Variants in AGPAT3 observed in about 807,000 individuals in gnomAD.
AGPAT3 encodes 1-acylglycerol-3-phosphate O-acyltransferase 3.
Under a neutral mutation model 47.3 loss-of-function variants are expected in AGPAT3, and 5 were observed. The observed-to-expected ratio is 0.11, with a 90% confidence interval of 0.06 to 0.22. The LOEUF (loss-of-function observed/expected upper bound fraction) is 0.22, where lower values mean the gene tolerates loss of function less well. AGPAT3 is among the 10% of genes least tolerant of loss of function. The probability of loss-of-function intolerance (pLI) is 1.00; values close to 1 mark genes in which losing one functional copy is unlikely to be tolerated. For synonymous variants in AGPAT3, 212 were observed against 208.3 expected (o/e 1.02, Z -0.15); for missense variants, 315 against 493.0 (o/e 0.64, Z 3.42).
rs116643078 is a variant in AGPAT3 at position 43,870,591 on chromosome 21, C to T, written c.-112+5246C>T. ...CCCAAAAATTAACCAGGTGTGGTGG[C>T]GCATGCATAGGTCCCAGCTACTCGG... On this transcript the variant is annotated intron_variant, in intron 1 of 9. Transcript: ENST00000291572. 2.1e-3 allele frequency among the ~76,000 whole-genome samples: 323 copies of T among 151,378 alleles called. 2 individuals carry two copies. Among genetic ancestry groups the T allele is most frequent in the African/African-American group, 7.5e-3 (309 of 41,236 alleles).
chr21:43,904,637 T>C (rs2086444318), intron 2 of AGPAT3, among the ~76,000 whole-genome samples: 1 of 152,138 alleles, frequency 6.6e-6, no homozygotes, highest in South Asian at 2.1e-4. Flanking sequence ...GTTGAGTCAC[T>C]GGGTGGGCCC....
chr21:43,897,869 G>A (rs987806457), intron 1 of AGPAT3, among the ~76,000 whole-genome samples: 8 of 152,182 alleles, frequency 5.3e-5, no homozygotes, highest in African/African-American at 9.7e-5. Flanking sequence ...TTGAGTGAGC[G>A]AGACTCCGTC....
chr21:43,887,880 C>T (rs2086015845), intron 1 of AGPAT3, among the ~76,000 whole-genome samples: 3 of 152,236 alleles, frequency 2.0e-5, no homozygotes, highest in South Asian at 4.1e-4. Context: ...TCTCAAACTC[C>T]TGAGCTCAAG....
rs1601459894 is a variant in AGPAT3 at position 43,970,865 on chromosome 21, C to A, written c.664+59C>A. The A allele has an allele frequency of 2.6e-5, 34 of 1,317,672 alleles. No homozygotes were observed. The highest frequency in any genetic ancestry group is 7.0e-5 in the African/African-American group (4 of 57,304). The allele number at this position is 1,317,672 out of a possible 1,614,324, so 81.6% of individuals were successfully genotyped here. A position where few individuals can be genotyped will look rare whatever the true frequency, so the allele number is the denominator to read the frequency against. On this transcript the variant is annotated intron_variant, in intron 6 of 9. Transcript: ENST00000291572. The surrounding 1 kb of genome is among the most constrained non-coding windows in gnomAD (Gnocchi z 5.8). ...CTATGCTCACGGAAAATAGTGATTTCTTTAAAAAAAAAAAAAATGAGTGCA... is the reference window on the plus strand; with the variant it reads ...CTATGCTCACGGAAAATAGTGATTTATTTAAAAAAAAAAAAAATGAGTGCA...
chr21:43,896,943 G>GTTTTTTTTTTTT (rs61657564), intron 1 of AGPAT3, among the ~76,000 whole-genome samples: 20 of 42,338 alleles, frequency 4.7e-4, no homozygotes, highest in South Asian at 1.7e-3. Context: ...TTGACAGTCC[G>GTTTTTTTTTTTT]TTTTTTTTTT....
At position 43,985,399 on chromosome 21, in the gene AGPAT3, A is replaced by T; in HGVS notation, c.*3007A>T. 1 of 172,326 alleles carries T rather than the reference A, an allele frequency of 5.8e-6. No homozygotes were observed. Among genetic ancestry groups the T allele is most frequent in the African/African-American group, 2.4e-5 (1 of 40,978 alleles). 10.7% of individuals were successfully genotyped at this position (172,326 alleles called of 1,614,324 possible). On this transcript the variant is annotated 3_prime_UTR_variant, in exon 10 of 10. Coordinates refer to ENST00000291572, the MANE Select transcript of AGPAT3 (RefSeq NM_020132.5). The stretch of plus-strand genomic sequence containing the variant: ...AATGTAAGCAGCACTTTCTTGTGTA[A>T]AAAAAAAAAAAAAGCACGTCCTGTC...
intron 2 of AGPAT3, among the ~76,000 whole-genome samples, chr21:43,937,211 T>A (rs1396083392): frequency 1.3e-5 from 2 of 152,348 alleles, no homozygotes; most frequent in East Asian, 3.9e-4. Context: ...CATGAGTGAC[T>A]TTTGGATTTT....
chr21:43,977,954 C>T (rs2089682776), intron 7 of AGPAT3, 92 bp from the exon 8 acceptor site: 1 of 994,744 alleles, frequency 1.0e-6, no homozygotes, highest in Non-Finnish European at 1.5e-6. Context: ...GCCCATAGGC[C>T]ACCCTGGCAC....
In AGPAT3 at chr21:43,873,014, A is replaced by T. The variant is rs1182822964; in HGVS notation, c.-112+7669A>T. On this transcript the variant is annotated intron_variant, in intron 1 of 9. Transcript: ENST00000291572. ...CCCCCTGCCGGGACGGCGAAACTTAAAAGACTGTGGGGACAAGTGCTGGAG... is the reference window on the plus strand; with the variant it reads ...CCCCCTGCCGGGACGGCGAAACTTATAAGACTGTGGGGACAAGTGCTGGAG... Among the ~76,000 whole-genome samples, 3 of 152,200 alleles carry T rather than the reference A, an allele frequency of 2.0e-5. 1 individual carries two copies. The highest frequency in any genetic ancestry group is 4.4e-5 in the Non-Finnish European group (3 of 68,038).
chr21:43,916,827 C>T (rs950038547), intron 2 of AGPAT3, among the ~76,000 whole-genome samples: 9 of 152,154 alleles, frequency 5.9e-5, no homozygotes, highest in Non-Finnish European at 1.2e-4. Context: ...TCTTCCCATG[C>T]GTGGTTTCTG....
At chr21:43,961,544 T>G (rs1349857151) in intron 3 of AGPAT3, among the ~76,000 whole-genome samples, 1 of 149,332 alleles carries the variant, frequency 6.7e-6, no homozygotes, top group Non-Finnish European at 1.5e-5. Flanking sequence ...GTATACACTT[T>G]GTCTCATATG....
intron 2 of AGPAT3, among the ~76,000 whole-genome samples, chr21:43,935,416 G>A (rs2087410826): frequency 6.6e-6 from 1 of 152,256 alleles, no homozygotes; most frequent in African/African-American, 2.4e-5. Context: ...CCTGGCCCTG[G>A]CAGGCATGAA....
At chr21:43,957,340 C>T (rs1234940139) in intron 2 of AGPAT3, among the ~76,000 whole-genome samples, 2 of 152,180 alleles carry the variant, frequency 1.3e-5, no homozygotes, top group Non-Finnish European at 2.9e-5. Context: ...AGGGGCCGCC[C>T]TGGGAATGTG....
At chr21:43,906,212 GGTGA>G (rs1193114321) in intron 2 of AGPAT3, among the ~76,000 whole-genome samples, 1 of 152,142 alleles carries the variant, frequency 6.6e-6, no homozygotes, top group Non-Finnish European at 1.5e-5. Context: ...AAGCTTCTAG[GGTGA>G]GTAACTCGAT....
intron 7 of AGPAT3, among the ~76,000 whole-genome samples, chr21:43,974,566 AGT>A (rs370652501): frequency 6.6e-4 from 98 of 148,586 alleles, no homozygotes; most frequent in Middle Eastern, 3.5e-3. Context: ...GTGTGTGTGT[AGT>A]GTGTGTATAT....
In AGPAT3 at chr21:43,869,976, G is replaced by A. The variant is rs568873609; in HGVS notation, c.-112+4631G>A. Among the ~76,000 whole-genome samples the A allele has an allele frequency of 3.3e-5, 5 of 152,352 alleles. No individual in the cohort carries two copies. In the South Asian group the frequency reaches 1.0e-3, roughly 32 times the overall value. ...CCACCTTGGCCTCCCCAGTAACTGG[G>A]ACTACAGGTGCTGCCACCACACGTG... is the stretch of plus-strand genomic sequence containing the variant. On this transcript the variant is annotated intron_variant, in intron 1 of 9. Transcript: ENST00000291572.
rs1197957853 is a variant in AGPAT3, at chr21:43,981,328, C to A, written c.1042+141C>A. On this transcript the variant is annotated intron_variant, in intron 9 of 9. Coordinates refer to ENST00000291572, the MANE Select transcript of AGPAT3 (RefSeq NM_020132.5). This position sits in a 1 kb window ranked among gnomAD's most constrained non-coding sequence, Gnocchi z 5.3. ...ATGGACCCTGGAGCCAGGATCCCCCCACGGCCTGCGGGCCTCAGAGCCTGG... is the reference window on the plus strand; with the variant it reads ...ATGGACCCTGGAGCCAGGATCCCCCAACGGCCTGCGGGCCTCAGAGCCTGG... 1.6e-5 allele frequency: 15 copies of A among 944,618 alleles called. No homozygotes were observed. Among genetic ancestry groups the A allele is most frequent in the East Asian group, 1.5e-4 (6 of 39,188 alleles). The allele number at this position is 944,618 out of a possible 1,614,324, so 58.5% of individuals were successfully genotyped here.
Position 43,983,934 on chromosome 21 carries a change from G to T in AGPAT3, c.*1542G>T, listed in dbSNP as rs937988712. 2 of 152,278 alleles carry T rather than the reference G, an allele frequency of 1.3e-5. No individual in the cohort carries two copies. The highest frequency in any genetic ancestry group is 2.9e-5 in the Non-Finnish European group (2 of 68,060). 9.4% of individuals were successfully genotyped at this position (152,278 alleles called of 1,614,324 possible). On this transcript the variant is annotated 3_prime_UTR_variant, in exon 10 of 10. Coordinates refer to ENST00000291572, the MANE Select transcript of AGPAT3 (RefSeq NM_020132.5). ...AGAGGCATGAAGAAAAGTAAACCGA[G>T]AACATAATTAGGCATCGGGCCTAAG...
intron 7 of AGPAT3, among the ~76,000 whole-genome samples, chr21:43,972,813 A>G (rs1001737729): frequency 7.9e-5 from 12 of 152,226 alleles, no homozygotes; most frequent in Admixed American, 7.2e-4. Flanking sequence ...CGTGCGCTGG[A>G]TGGCCCTTGT....
Sources: allele counts gnomAD v4.1 joint callset (sites outside exome capture counted in the v4.1 genomes callset), GRCh38; gene constraint gnomAD v4.1.1; non-coding constraint Gnocchi (gnomAD v3.1); transcripts MANE v1.5; gene names NCBI Gene and HGNC (gene_info 2026-07-23, HGNC 2026-07-21).